ACTR3C: variants seen among roughly 807,000 people sequenced by gnomAD.
The protein encoded by ACTR3C is actin-related protein 3C.
In ACTR3C, 18 loss-of-function variants were observed where a neutral mutation model predicts 26.3. The observed-to-expected ratio is 0.68, with a 90% CI of 0.47 to 1.01. The LOEUF (loss-of-function observed/expected upper bound fraction) is 1.01, where lower values mean the gene tolerates loss of function less well. ACTR3C is among the 50% of genes least tolerant of loss of function. The probability of loss-of-function intolerance (pLI) is 0.00; values close to 1 mark genes in which losing one functional copy is unlikely to be tolerated. For synonymous variants in ACTR3C, 55 were observed against 94.5 expected (o/e 0.58, Z 2.42); for missense variants, 184 against 250.7 (o/e 0.73, Z 1.80).
Position 150,316,480 on chromosome 7 carries a change from G to GTTTTTTTTT in ACTR3C, c.-52+6988_-52+6989insAAAAAAAAA, listed in dbSNP as rs1563212991. Among the ~76,000 whole-genome samples the GTTTTTTTTT allele has an allele frequency of 1.5e-5, 2 of 131,732 alleles. 1 individual carries two copies. Among genetic ancestry groups the GTTTTTTTTT allele is most frequent in the Non-Finnish European group, 3.1e-5 (2 of 63,602 alleles). 86.4% of individuals were successfully genotyped at this position (131,732 alleles called of 152,430 possible). On this transcript the variant is annotated intron_variant, in intron 1 of 7. Coordinates refer to ENST00000683684, the MANE Select transcript of ACTR3C (RefSeq NM_001164458.2). ...TTTTCCATCTGAACTTTAGAATCTG[G>GTTTTTTTTT]TTATTTTTTTTTTTTTTTTTTTTTT...
chr7:150,279,309 TAGTA>T (rs1160155731), intron 6 of ACTR3C, among the ~76,000 whole-genome samples: 2 of 152,308 alleles, frequency 1.3e-5, no homozygotes, highest in African/African-American at 4.8e-5. Flanking sequence ...TGTCTCTAAA[TAGTA>T]AGTATTTATT....
Position 150,276,755 on chromosome 7 carries a change from C to A in ACTR3C, c.564+7998G>T, listed in dbSNP as rs184720543. 7.3e-3 allele frequency among the ~76,000 whole-genome samples: 1,114 copies of A among 152,346 alleles called. 15 individuals carry two copies. The highest frequency in any genetic ancestry group is 0.026 in the African/African-American group (1,069 of 41,570). Reference sequence around the variant, plus strand: ...AGCTTCTCTCACAAGGCTGCTCACCCCTGTGTGGTGAACCCAAGGGCTACC... The same window carrying A: ...AGCTTCTCTCACAAGGCTGCTCACCACTGTGTGGTGAACCCAAGGGCTACC... On this transcript the variant is annotated intron_variant, in intron 6 of 7. Coordinates refer to ENST00000683684, the MANE Select transcript of ACTR3C (RefSeq NM_001164458.2).
At chr7:150,209,427 C>G in the ACTR3C span, among the ~76,000 whole-genome samples, 1 of 151,396 alleles carries the variant, frequency 6.6e-6, no homozygotes, top group African/African-American at 2.5e-5. Flanking sequence ...AAGCACTTGC[C>G]TAACTCAAAG....
At chr7:150,184,879 G>T in the ACTR3C span, among the ~76,000 whole-genome samples, 1 of 147,994 alleles carries the variant, frequency 6.8e-6, no homozygotes, top group African/African-American at 2.7e-5. Context: ...TGACAGCTTT[G>T]TCTTCACAGT....
the ACTR3C span, among the ~76,000 whole-genome samples, chr7:150,146,332 C>A: frequency 6.6e-6 from 1 of 152,298 alleles, no homozygotes; most frequent in East Asian, 1.9e-4. Flanking sequence ...AACACAGATC[C>A]ACTTCCTTAT....
chr7:150,254,275 T>C (rs1310596937), intron 6 of ACTR3C, among the ~76,000 whole-genome samples: 13 of 152,188 alleles, frequency 8.5e-5, no homozygotes, highest in Admixed American at 3.3e-4. Context: ...CATTTCAACA[T>C]TGGAACCCTG....
At chr7:149,896,176 C>A in the ACTR3C span, among the ~76,000 whole-genome samples, 1 of 152,232 alleles carries the variant, frequency 6.6e-6, no homozygotes, top group Non-Finnish European at 1.5e-5. Flanking sequence ...CAGAACAAGA[C>A]CCAGTCACAG....
the ACTR3C span, among the ~76,000 whole-genome samples, chr7:150,154,392 A>T: frequency 6.6e-6 from 1 of 151,790 alleles, no homozygotes; most frequent in African/African-American, 2.4e-5. Context: ...ATTTCCATTT[A>T]TATTGTACTT....
the ACTR3C span, among the ~76,000 whole-genome samples, chr7:150,039,406 A>G: frequency 2.7e-3 from 106 of 39,464 alleles, 3 homozygotes; most frequent in African/African-American, 8.4e-3. Context: ...GGGAAGAGGG[A>G]CTGGCTCTCA....
In ACTR3C at chr7:150,274,004, T is replaced by C. The variant is rs1157213218; in HGVS notation, c.564+10749A>G. ...TGTTCTAAGCACCACGGGTCAGCAA[T>C]GAATCTGACATATCAAAATGGTCGC... On this transcript the variant is annotated intron_variant, in intron 6 of 7. Coordinates refer to ENST00000683684, the MANE Select transcript of ACTR3C (RefSeq NM_001164458.2). This position sits in a 1 kb window ranked among gnomAD's most constrained non-coding sequence, Gnocchi z 4.1. Among the ~76,000 whole-genome samples the C allele has an allele frequency of 3.3e-5, 5 of 152,062 alleles. No homozygotes were observed. In the East Asian group the frequency reaches 9.6e-4, roughly 29 times the overall value.
At chr7:150,117,370 G>A in the ACTR3C span, among the ~76,000 whole-genome samples, 2 of 152,176 alleles carry the variant, frequency 1.3e-5, no homozygotes, top group Non-Finnish European at 2.9e-5. Context: ...ATCTGAAGTC[G>A]ACATGGGATG....
chr7:150,206,711 C>A, the ACTR3C span, among the ~76,000 whole-genome samples: 169 of 152,276 alleles, frequency 1.1e-3, 2 homozygotes, highest in Non-Finnish European at 5.1e-4. Context: ...CGTGAGCCAC[C>A]GCACCAGGCG....
chr7:149,912,384 T>A, the ACTR3C span, among the ~76,000 whole-genome samples: 43,191 of 151,094 alleles, frequency 0.29, 7,414 homozygotes, highest in Non-Finnish European at 0.39. Context: ...CAACATTCTT[T>A]TAGACAGTAT....
the ACTR3C span, among the ~76,000 whole-genome samples, chr7:150,047,336 C>T: frequency 4.6e-5 from 7 of 152,212 alleles, no homozygotes; most frequent in African/African-American, 1.7e-4. Flanking sequence ...GAACGTAAGG[C>T]GAATTCCAGA....
the ACTR3C span, among the ~76,000 whole-genome samples, chr7:149,946,856 CT>C: frequency 1.4e-4 from 22 of 152,244 alleles, 1 homozygote; most frequent in South Asian, 4.6e-3. Flanking sequence ...TCAAGCGATG[CT>C]GGGGAAAGAA....
intron 6 of ACTR3C, among the ~76,000 whole-genome samples, chr7:150,271,253 C>A (rs1317454687): frequency 6.9e-6 from 1 of 145,832 alleles, no homozygotes; most frequent in Non-Finnish European, 1.5e-5. Context: ...GTTTGTTACA[C>A]AGGTATACAC....
At chr7:149,901,910 C>CAAAAAAAAAAAAAAAAAAAA in the ACTR3C span, among the ~76,000 whole-genome samples, 2 of 56,742 alleles carry the variant, frequency 3.5e-5, no homozygotes, top group African/African-American at 7.4e-5. Context: ...GACTCTGTCT[C>CAAAAAAAAAAAAAAAAAAAA]AAAAAAAAAA....
At chr7:150,260,142 G>A (rs539288658) in intron 6 of ACTR3C, among the ~76,000 whole-genome samples, 1 of 152,322 alleles carries the variant, frequency 6.6e-6, no homozygotes, top group South Asian at 2.1e-4. Context: ...AGTTGCAACA[G>A]AGGCTGCCTT....
intron 6 of ACTR3C, among the ~76,000 whole-genome samples, chr7:150,270,812 C>T (rs1040638121): frequency 2.8e-4 from 42 of 151,956 alleles, no homozygotes; most frequent in African/African-American, 9.7e-4. Flanking sequence ...CGTCTAGCTG[C>T]CCATCACATG....
Sources: gnomAD v4.1 joint callset for allele counts (sites outside exome capture counted in the v4.1 genomes callset) on GRCh38, gnomAD v4.1.1 for gene constraint, Gnocchi (gnomAD v3.1) non-coding constraint, MANE v1.5 for transcripts, NCBI Gene and HGNC (gene_info 2026-07-23, HGNC 2026-07-21) for gene names.